KDM1B: variants seen among roughly 807,000 people sequenced by gnomAD.
KDM1B encodes lysine demethylase 1B, also known as lysine-specific histone demethylase 2.
A neutral mutation model predicts 107.4 loss-of-function variants in KDM1B; 63 were observed. That is an observed-to-expected ratio of 0.59 (90% CI 0.48 to 0.72). KDM1B has a LOEUF of 0.72. Among genes scored for constraint, KDM1B ranks in the 30% least tolerant of loss-of-function variants. The pLI, the probability that KDM1B is intolerant of heterozygous loss-of-function variation, is 0.00. For missense variants in KDM1B, 749 were observed against 1,020.8 expected (o/e 0.73, Z 3.63); for synonymous variants, 363 against 363.9 (o/e 1.00, Z 0.03).
intron 7 of KDM1B, among the ~76,000 whole-genome samples, chr6:18,179,761 G>T (rs1183815754): frequency 6.6e-6 from 1 of 151,062 alleles, no homozygotes; most frequent in Non-Finnish European, 1.5e-5. Context: ...GAGTGAGGGA[G>T]GGGAAGCATT....
intron 6 of KDM1B, among the ~76,000 whole-genome samples, chr6:18,167,102 A>G (rs1785348070): frequency 6.6e-6 from 1 of 152,208 alleles, no homozygotes; most frequent in South Asian, 2.1e-4. Context: ...CACACCTGTC[A>G]TCCTAGCACT....
rs193070257 is a variant in KDM1B, at chr6:18,197,359, A to C, written c.1146+126A>C. The C allele has an allele frequency of 4.2e-6, 4 of 947,286 alleles. No homozygotes were observed. The highest frequency in any genetic ancestry group is 6.2e-6 in the Non-Finnish European group (4 of 642,578). The allele number at this position is 947,286 out of a possible 1,614,324, so 58.7% of individuals were successfully genotyped here. A position where few individuals can be genotyped will look rare whatever the true frequency, so the allele number is the denominator to read the frequency against. On this transcript the variant is annotated intron_variant, in intron 11 of 21. Transcript: ENST00000650836. This position sits in a 1 kb window ranked among gnomAD's most constrained non-coding sequence, Gnocchi z 4.5. ...AACTTAACAGAAGCAAGGCTTTCGC[A>C]GAATGTGTTTCTCCTGAAAGGAGAA...
rs1156728397 is a variant in KDM1B at position 18,207,407 on chromosome 6, C to T, written c.1669C>T (p.Arg557Cys). The change falls in exon 16 of 22, where the codon CGC becomes TGC. Residue 557 changes from arginine to cysteine, a missense_variant. By Grantham distance (180) the Arg-to-Cys change is radical. Coordinates refer to ENST00000650836, the MANE Select transcript of KDM1B (RefSeq NM_001364614.2). ...CGSNLHQVSA[R>C]SWDHNEFFAQ... ...CTCTCTTGTTTCCCAGGTATCTGCT[C>T]GCTCGTGGGACCACAATGAATTCTT... is the stretch of plus-strand genomic sequence containing the variant. 7.4e-6 allele frequency: 12 copies of T among 1,613,980 alleles called. No homozygotes were observed. The highest frequency in any genetic ancestry group is 1.6e-4 in the Middle Eastern group (1 of 6,078).
intron 7 of KDM1B, among the ~76,000 whole-genome samples, chr6:18,184,273 C>CTTCTTTTTTTTTTTTTTTTTTTTTT (rs1554144142): frequency 1.9e-4 from 22 of 116,664 alleles, no homozygotes; most frequent in Admixed American, 3.0e-4. Flanking sequence ...GTTCTAGCTT[C>CTTCTTTTTTTTTTTTTTTTTTTTTT]TTTTTTTTTT....
intron 12 of KDM1B, among the ~76,000 whole-genome samples, chr6:18,198,616 T>G (rs214616): frequency 8.0e-6 from 1 of 125,660 alleles, no homozygotes; most frequent in Non-Finnish European, 1.6e-5. Context: ...CCAGCCTGGG[T>G]GACAGAGCGA....
chr6:18,213,853 C>CTT lies in KDM1B; in HGVS notation c.2109+73_2109+74insTT. The CTT allele has an allele frequency of 6.5e-7, 1 of 1,535,370 alleles. No homozygotes were observed. The highest frequency in any genetic ancestry group is 9.0e-7 in the Non-Finnish European group (1 of 1,112,150). On this transcript the variant is annotated intron_variant, in intron 19 of 21. Coordinates refer to ENST00000650836, the MANE Select transcript of KDM1B (RefSeq NM_001364614.2). The surrounding 1 kb of genome is among the most constrained non-coding windows in gnomAD (Gnocchi z 5.9). ...AGAATTTGATGTGATAATTACTCAC[C>CTT]TATCAAGCTCAGGAACTAACGAACA...
At chr6:18,167,289 G>T (rs1338984700) in intron 6 of KDM1B, among the ~76,000 whole-genome samples, 4 of 151,590 alleles carry the variant, frequency 2.6e-5, no homozygotes. Context: ...CCCAGGAAGC[G>T]GAGGTTGCAA....
chr6:18,184,273 CTTTTTTTTTTT>C (rs1163110910), intron 7 of KDM1B, among the ~76,000 whole-genome samples: 4 of 116,672 alleles, frequency 3.4e-5, no homozygotes, highest in African/African-American at 1.3e-4. Flanking sequence ...GTTCTAGCTT[CTTTTTTTTTTT>C]TTTTTTTTGA....
At chr6:18,217,291 A>G (rs1445963071) in intron 20 of KDM1B, among the ~76,000 whole-genome samples, 3 of 151,988 alleles carry the variant, frequency 2.0e-5, no homozygotes, top group African/African-American at 7.3e-5. Flanking sequence ...CTTGAGAACT[A>G]CTGTTTCAGA....
At chr6:18,196,949 G>A in intron 10 of KDM1B, 108 bp from the exon 11 acceptor site, 1 of 1,054,274 alleles carries the variant, frequency 9.5e-7, no homozygotes, top group Non-Finnish European at 1.4e-6. Context: ...TTTGAGAAAT[G>A]TTGATTCAGA....
In KDM1B at chr6:18,212,528, C is replaced by G. The variant is rs774890131; in HGVS notation, c.1907C>G (p.Ala636Gly). The G allele has an allele frequency of 6.2e-7, 1 of 1,613,928 alleles. No individual in the cohort carries two copies. Among genetic ancestry groups the G allele is most frequent in the East Asian group, 2.2e-5 (1 of 44,884 alleles). The change falls in exon 18 of 22, where the codon GCC (alanine) becomes GGC (glycine). Residue 636 changes from alanine (A) to glycine (G), a missense_variant. Ala to Gly is a moderately conservative substitution (Grantham distance 60, BLOSUM62 0). Coordinates refer to ENST00000650836, the MANE Select transcript of KDM1B (RefSeq NM_001364614.2). The surrounding 1 kb of genome is among the most constrained non-coding windows in gnomAD (Gnocchi z 5.2). Reference protein sequence around the residue: ...TVPLALLQKGAIQFNPPLSEK... With the variant: ...TVPLALLQKGGIQFNPPLSEK... ...CCACTGGCTTTACTACAGAAAGGTG[C>G]CATTCAGTTTAATCCACCGTTGTCA...
Position 18,182,369 on chromosome 6 carries a change from T to C in KDM1B, c.535-3403T>C, listed in dbSNP as rs547816023. ...CCCTGAGTAATTTTGGTTTTCAGCG[T>C]GGTATGCTGTTAAGGAGAAAGTCAG... On this transcript the variant is annotated intron_variant, in intron 7 of 21. Coordinates refer to ENST00000650836, the MANE Select transcript of KDM1B (RefSeq NM_001364614.2). Among the ~76,000 whole-genome samples the C allele has an allele frequency of 2.6e-5, 4 of 152,192 alleles. No individual in the cohort carries two copies. In the East Asian group the frequency reaches 7.7e-4, roughly 29 times the overall value.
chr6:18,167,197 A>G (rs2150799350), intron 6 of KDM1B, among the ~76,000 whole-genome samples: 1 of 151,974 alleles, frequency 6.6e-6, no homozygotes, highest in Middle Eastern at 3.4e-3. Context: ...TCTACTAAAA[A>G]AATACAAAAA....
chr6:18,208,733 C>T (rs1199619445), intron 17 of KDM1B, among the ~76,000 whole-genome samples: 1 of 141,632 alleles, frequency 7.1e-6, no homozygotes, highest in Non-Finnish European at 1.5e-5. Flanking sequence ...CAAGCTCCGC[C>T]TCCCGGGTTC....
At chr6:18,160,103 A>G (rs1784878603) in intron 3 of KDM1B, 121 bp downstream of exon 3, 3 of 631,410 alleles carry the variant, frequency 4.8e-6, no homozygotes, top group Non-Finnish European at 8.2e-6. Context: ...TCTAGGGGAG[A>G]AATTCTCAGT....
At position 18,222,177 on chromosome 6, in the gene KDM1B, T is replaced by C. The variant is rs369363435; in HGVS notation, c.*185T>C. The C allele has an allele frequency of 1.4e-6, 1 of 696,824 alleles. No individual in the cohort carries two copies. The highest frequency in any genetic ancestry group is 2.6e-6 in the Non-Finnish European group (1 of 380,402). 43.2% of individuals were successfully genotyped at this position (696,824 alleles called of 1,614,324 possible). ...AAAGCACTGACCTCAAAAAACCTTATAAGCACTTAGATTTAATTGCATTTT... is the reference window on the plus strand; with the variant it reads ...AAAGCACTGACCTCAAAAAACCTTACAAGCACTTAGATTTAATTGCATTTT... On this transcript the variant is annotated 3_prime_UTR_variant, in exon 22 of 22. Transcript: ENST00000650836.
chr6:18,185,006 A>G (rs1420846655), intron 7 of KDM1B, among the ~76,000 whole-genome samples: 1 of 151,916 alleles, frequency 6.6e-6, no homozygotes, highest in Non-Finnish European at 1.5e-5. Context: ...CTGGGATTAT[A>G]GGCATGAGCC....
Position 18,205,516 on chromosome 6 carries a change from T to G in KDM1B, c.1532-21T>G. 1 of 1,545,586 alleles carries G rather than the reference T, an allele frequency of 6.5e-7. No homozygotes were observed. Among genetic ancestry groups the G allele is most frequent in the Non-Finnish European group, 8.7e-7 (1 of 1,144,210 alleles). On this transcript the variant is annotated intron_variant, in intron 14 of 21. Transcript: ENST00000650836. The surrounding 1 kb of genome is among the most constrained non-coding windows in gnomAD (Gnocchi z 5.7). ...TCTTGTTAAAGCTATTTTTTTCTGC[T>G]TTGATCCATTCCCATTACAGAAAAG... is the stretch of plus-strand genomic sequence containing the variant.
chr6:18,159,959 C>T lies in KDM1B; in HGVS notation c.64C>T (p.Pro22Ser). 2.5e-6 allele frequency: 4 copies of T among 1,607,082 alleles called. No homozygotes were observed. Among genetic ancestry groups the T allele is most frequent in the Non-Finnish European group, 3.4e-6 (4 of 1,177,380 alleles). ...ASFDHSPDSL[P>S]LRSSGRQAKK... Reference sequence around the variant, plus strand: ...TTTTGATCATTCTCCGGATAGCCTTCCTTTGAGGAGCTCCGGTAGGCAGGT... The same window carrying T: ...TTTTGATCATTCTCCGGATAGCCTTTCTTTGAGGAGCTCCGGTAGGCAGGT... Residue 22 changes from proline (P) to serine (S), a missense_variant, in exon 3 of 22, where the codon CCT becomes TCT. Pro to Ser is a moderately conservative substitution (Grantham distance 74). Transcript: ENST00000650836. The surrounding 1 kb of genome is among the most constrained non-coding windows in gnomAD (Gnocchi z 4.5).
Sources: allele counts gnomAD v4.1 joint callset (sites outside exome capture counted in the v4.1 genomes callset), GRCh38; gene constraint gnomAD v4.1.1; non-coding constraint Gnocchi (gnomAD v3.1); transcripts MANE v1.5; gene names NCBI Gene and HGNC (gene_info 2026-07-23, HGNC 2026-07-21).